The following LIN28B variants were observed in gnomAD, a reference collection of about 807,000 sequenced individuals.
The protein encoded by LIN28B is protein lin-28 homolog B.
In LIN28B, 5 loss-of-function variants were observed where a neutral mutation model predicts 21.9. The observed-to-expected ratio is 0.23, with a 90% CI of 0.12 to 0.48. The LOEUF (loss-of-function observed/expected upper bound fraction) is 0.48. Ranked by LOEUF, LIN28B falls within the 20% of genes least tolerant of loss-of-function variation. LIN28B has a pLI of 0.98. For missense variants in LIN28B, 245 were observed against 310.5 expected, an observed-to-expected ratio of 0.79 and a Z score of 1.58; for synonymous variants, 109 against 111.3, an observed-to-expected ratio of 0.98 and a Z score of 0.13.
At position 105,079,253 on chromosome 6, in the gene LIN28B, A is replaced by G. The variant is rs1221221159; in HGVS notation, c.*470A>G. On this transcript the variant is annotated 3_prime_UTR_variant, in exon 4 of 4. Coordinates refer to ENST00000345080, the MANE Select transcript of LIN28B (RefSeq NM_001004317.4). ...CACTTCTTTTATATTATATAAAACT[A>G]AAAACACGACTGTTACCTTTTGTGT... is the stretch of plus-strand genomic sequence containing the variant. 1 of 153,146 alleles carries G rather than the reference A, an allele frequency of 6.5e-6. No individual in the cohort carries two copies. The highest frequency in any genetic ancestry group is 1.5e-5 in the Non-Finnish European group (1 of 68,424). 9.5% of individuals were successfully genotyped at this position (153,146 alleles called of 1,614,324 possible). A position where few individuals can be genotyped will look rare whatever the true frequency, so the allele number is the denominator to read the frequency against.
chr6:105,078,536 T>C lies in LIN28B; in HGVS notation c.506T>C (p.Val169Ala), dbSNP rs1242200595. 1 of 1,614,126 alleles carries C rather than the reference T, an allele frequency of 6.2e-7. No individual in the cohort carries two copies. Among genetic ancestry groups the C allele is most frequent in the East Asian group, 2.2e-5 (1 of 44,858 alleles). ...GTGGCAAACTGCCCACATAAAAATG[T>C]TGCACAGCCACCCGCGAGTTCTCAG... Reference protein sequence around the residue: ...HMVANCPHKNVAQPPASSQGR... With the variant: ...HMVANCPHKNAAQPPASSQGR... Residue 169 changes from valine (V) to alanine (A), a missense_variant, in exon 4 of 4, where the codon GTT (valine) becomes GCT (alanine). Physicochemically the swap from Val to Ala is moderately conservative, Grantham distance 64 (BLOSUM62 0). Transcript: ENST00000345080.
rs913390854 is a variant in LIN28B, at chr6:105,079,269, C to A, written c.*486C>A. ...TATAAAACTAAAAACACGACTGTTA[C>A]CTTTTGTGTGAACCAAAGGATACTT... On this transcript the variant is annotated 3_prime_UTR_variant, in exon 4 of 4. Transcript: ENST00000345080. The A allele has an allele frequency of 6.5e-6, 1 of 152,798 alleles. No homozygotes were observed. Among genetic ancestry groups the A allele is most frequent in the African/African-American group, 2.4e-5 (1 of 41,444 alleles). 9.5% of individuals were successfully genotyped at this position (152,798 alleles called of 1,614,324 possible). A position where few individuals can be genotyped will look rare whatever the true frequency, so the allele number is the denominator to read the frequency against.
intron 3 of LIN28B, among the ~76,000 whole-genome samples, chr6:105,028,052 C>T (rs1771323598): frequency 2.0e-5 from 3 of 152,120 alleles, no homozygotes; most frequent in Non-Finnish European, 4.4e-5. Flanking sequence ...GAGATAATAC[C>T]TGCATACATA....
intron 2 of LIN28B, among the ~76,000 whole-genome samples, chr6:104,967,464 C>T (rs1769885051): frequency 6.6e-6 from 1 of 150,642 alleles, no homozygotes; most frequent in African/African-American, 2.4e-5. Flanking sequence ...GCTTGTAATC[C>T]CACCTATTTG....
intron 2 of LIN28B, among the ~76,000 whole-genome samples, chr6:104,971,594 A>G (rs1235494070): frequency 1.3e-5 from 2 of 152,182 alleles, no homozygotes; most frequent in Non-Finnish European, 2.9e-5. Context: ...TTCTGTTGAT[A>G]ACAGTGGGTT....
At chr6:104,991,840 G>A (rs540364604) in intron 2 of LIN28B, among the ~76,000 whole-genome samples, 3 of 152,256 alleles carry the variant, frequency 2.0e-5, no homozygotes, top group Non-Finnish European at 4.4e-5. Flanking sequence ...GCGAAACCCC[G>A]TCTCCACCAA....
intron 2 of LIN28B, among the ~76,000 whole-genome samples, chr6:104,949,790 G>A (rs1778199069): frequency 6.6e-6 from 1 of 152,002 alleles, no homozygotes; most frequent in Non-Finnish European, 1.5e-5. Flanking sequence ...GTTTTATTGT[G>A]TTGTGGCATC....
At chr6:104,967,421 A>G (rs988473618) in intron 2 of LIN28B, among the ~76,000 whole-genome samples, 4 of 151,646 alleles carry the variant, frequency 2.6e-5, no homozygotes, top group Non-Finnish European at 4.4e-5. Context: ...CTCTCCTAAA[A>G]ATACAAAAAA....
intron 2 of LIN28B, among the ~76,000 whole-genome samples, chr6:104,992,322 G>A (rs1164806721): frequency 6.6e-6 from 1 of 151,868 alleles, no homozygotes; most frequent in Non-Finnish European, 1.5e-5. Context: ...CTCCCAAAGT[G>A]CTGGGATTAC....
chr6:105,020,107 C>CTTTTT (rs1158938023), intron 2 of LIN28B, among the ~76,000 whole-genome samples: 13 of 87,608 alleles, frequency 1.5e-4, no homozygotes, highest in African/African-American at 2.4e-4. Flanking sequence ...TCCTGTTATT[C>CTTTTT]TTTTTTTTTT....
At chr6:105,073,505 CCT>C (rs1227060762) in intron 3 of LIN28B, among the ~76,000 whole-genome samples, 1 of 152,088 alleles carries the variant, frequency 6.6e-6, no homozygotes, top group Non-Finnish European at 1.5e-5. Flanking sequence ...TTTCTCTGTC[CCT>C]GATACTGCTT....
In LIN28B at chr6:105,078,638, CACCACCGTT is replaced by C; in HGVS notation, c.609_617del (p.Pro205_Pro207del). 2 of 1,614,170 alleles carry C rather than the reference CACCACCGTT, an allele frequency of 1.2e-6. No individual in the cohort carries two copies. Among genetic ancestry groups the C allele is most frequent in the Non-Finnish European group, 1.7e-6 (2 of 1,180,042 alleles). On this transcript the variant is annotated inframe_deletion, in exon 4 of 4. Transcript: ENST00000345080. ...GTGGGAGGCGGGCATGGCTGTACAT[CACCACCGTT>C]TCCTCAGGAGGCTAGGGCAGAGATC...
intron 2 of LIN28B, among the ~76,000 whole-genome samples, chr6:105,016,440 G>A (rs1255777273): frequency 6.6e-6 from 1 of 152,086 alleles, no homozygotes; most frequent in Non-Finnish European, 1.5e-5. Context: ...TGTTGTTGAG[G>A]GACATTTGAA....
At chr6:104,973,881 A>G (rs1770028140) in intron 2 of LIN28B, among the ~76,000 whole-genome samples, 1 of 152,194 alleles carries the variant, frequency 6.6e-6, no homozygotes, top group Non-Finnish European at 1.5e-5. Context: ...TCCAACATTG[A>G]AGAAGAAAGA....
intron 2 of LIN28B, among the ~76,000 whole-genome samples, chr6:104,987,632 T>A (rs1770373957): frequency 6.6e-6 from 1 of 152,206 alleles, no homozygotes; most frequent in Non-Finnish European, 1.5e-5. Context: ...AATCATTTTA[T>A]AAATTATTAT....
At position 105,030,672 on chromosome 6, in the gene LIN28B, T is replaced by C. The variant is rs188257815; in HGVS notation, c.383+4190T>C. ...AGTGCAATGGCCTGATCTAGGCTCA[T>C]TGCAACCACTGCCTCCTGGGTTCAA... is the stretch of plus-strand genomic sequence containing the variant. On this transcript the variant is annotated intron_variant, in intron 3 of 3. Coordinates refer to ENST00000345080, the MANE Select transcript of LIN28B (RefSeq NM_001004317.4). 3.0e-3 allele frequency among the ~76,000 whole-genome samples: 457 copies of C among 149,860 alleles called. 6 individuals are homozygous for C. The highest frequency in any genetic ancestry group is 0.011 in the African/African-American group (436 of 40,860).
At chr6:104,982,983 T>G (rs1770258446) in intron 2 of LIN28B, among the ~76,000 whole-genome samples, 1 of 152,104 alleles carries the variant, frequency 6.6e-6, no homozygotes, top group Non-Finnish European at 1.5e-5. Context: ...CTTTTATTTT[T>G]TTTTGGTAGA....
intron 3 of LIN28B, among the ~76,000 whole-genome samples, chr6:105,074,920 T>C (rs1238488507): frequency 6.6e-6 from 1 of 152,172 alleles, no homozygotes; most frequent in Non-Finnish European, 1.5e-5. Context: ...TTGGCCAGGC[T>C]GGTCTCAAAC....
chr6:105,000,465 C>T (rs1373186189), intron 2 of LIN28B, among the ~76,000 whole-genome samples: 1 of 152,066 alleles, frequency 6.6e-6, no homozygotes, highest in Non-Finnish European at 1.5e-5. Flanking sequence ...ATAGCAGTCA[C>T]TTATAAATAC....
Sources: gnomAD v4.1 joint callset for allele counts (sites outside exome capture counted in the v4.1 genomes callset) on GRCh38, gnomAD v4.1.1 for gene constraint, MANE v1.5 for transcripts, NCBI Gene and HGNC (gene_info 2026-07-23, HGNC 2026-07-21) for gene names.